The following DGKB variants were observed in gnomAD, a reference collection of about 807,000 sequenced individuals.
DGKB encodes 90 kDa diacylglycerol kinase.
In DGKB, 67 loss-of-function variants were observed where a neutral mutation model predicts 114.3. The observed-to-expected ratio is 0.59, with a 90% CI of 0.48 to 0.72. The LOEUF (loss-of-function observed/expected upper bound fraction) is 0.72. DGKB is among the 30% of genes least tolerant of loss of function. DGKB has a pLI of 0.00. For missense variants in DGKB, 907 were observed against 975.2 expected, an observed-to-expected ratio of 0.93 and a Z score of 0.93; for synonymous variants, 398 against 323.1, an observed-to-expected ratio of 1.23 and a Z score of -2.49.
At chr7:14,326,850 T>G (rs1808827720) in intron 23 of DGKB, among the ~76,000 whole-genome samples, 1 of 152,152 alleles carries the variant, frequency 6.6e-6, no homozygotes. Context: ...CATTTTGATA[T>G]CTACATGTCC....
At chr7:14,234,410 C>T (rs962299012) in intron 23 of DGKB, among the ~76,000 whole-genome samples, 1 of 152,136 alleles carries the variant, frequency 6.6e-6, no homozygotes, top group East Asian at 1.9e-4. Flanking sequence ...TGTATCTTAG[C>T]AGTAAAATAT....
At position 14,512,554 on chromosome 7, in the gene DGKB, C is replaced by G. The variant is rs1314797072; in HGVS notation, c.1771-34329G>C. On this transcript the variant is annotated intron_variant, in intron 20 of 25. Coordinates refer to ENST00000402815, the MANE Select transcript of DGKB (RefSeq NM_001350709.2). ...TCCTGACAACTCAGTCTTTTATTTT[C>G]TTTTTTAATTTTTCTTAAATCATTC... 2.0e-5 allele frequency among the ~76,000 whole-genome samples: 3 copies of G among 152,092 alleles called. No individual in the cohort carries two copies. The East Asian group carries it at 5.8e-4, about 29-fold the overall frequency.
At chr7:14,928,660 TTA>T (rs1784860020) in intron 1 of DGKB, among the ~76,000 whole-genome samples, 1 of 150,854 alleles carries the variant, frequency 6.6e-6, no homozygotes, top group African/African-American at 2.5e-5. Context: ...CATTTTTTAT[TTA>T]TTTTATTTTA....
chr7:14,699,902 C>CAA (rs776720127), intron 7 of DGKB, among the ~76,000 whole-genome samples: 1 of 130,608 alleles, frequency 7.7e-6, no homozygotes, highest in African/African-American at 2.8e-5. Flanking sequence ...TGGGCAGAGA[C>CAA]AAAAAAAAAA....
chr7:14,170,173 G>T (rs10272832), intron 25 of DGKB, among the ~76,000 whole-genome samples: 1 of 145,310 alleles, frequency 6.9e-6, no homozygotes. Context: ...AAGAAAGAAA[G>T]AAAGAAAGAA....
chr7:14,803,930 C>T (rs1441537076), intron 2 of DGKB, among the ~76,000 whole-genome samples: 2 of 151,960 alleles, frequency 1.3e-5, no homozygotes, highest in Non-Finnish European at 2.9e-5. Context: ...TGAACATCTC[C>T]CTTAGTTTCT....
intron 1 of DGKB, among the ~76,000 whole-genome samples, chr7:14,870,040 T>G (rs181939936): frequency 7.2e-5 from 11 of 152,288 alleles, no homozygotes; most frequent in Admixed American, 6.5e-4. Flanking sequence ...AGACCCAGAG[T>G]TGCATCTTGG....
At chr7:14,732,754 CT>C (rs543872526) in intron 5 of DGKB, among the ~76,000 whole-genome samples, 7 of 150,962 alleles carry the variant, frequency 4.6e-5, no homozygotes, top group Admixed American at 2.0e-4. Flanking sequence ...TCTGTTTTTC[CT>C]TTTTTTTTCC....
At chr7:14,869,391 G>A (rs1342069569) in intron 1 of DGKB, among the ~76,000 whole-genome samples, 1 of 151,886 alleles carries the variant, frequency 6.6e-6, no homozygotes, top group African/African-American at 2.4e-5. Flanking sequence ...AAGCTTAAAG[G>A]TTTTCTTTTA....
intron 1 of DGKB, among the ~76,000 whole-genome samples, chr7:14,861,599 T>C (rs939200976): frequency 1.1e-4 from 17 of 151,988 alleles, no homozygotes; most frequent in Admixed American, 3.3e-4. Context: ...CCTGTTTGCC[T>C]GTCTCTTAAA....
chr7:14,328,041 C>T (rs1809059877), intron 23 of DGKB, among the ~76,000 whole-genome samples: 2 of 152,074 alleles, frequency 1.3e-5, no homozygotes, highest in African/African-American at 4.8e-5. Context: ...CGTTTTATCA[C>T]AAATTCCATG....
intron 21 of DGKB, among the ~76,000 whole-genome samples, chr7:14,389,542 G>A (rs1820984837): frequency 6.6e-6 from 1 of 152,192 alleles, no homozygotes; most frequent in Admixed American, 6.5e-5. Flanking sequence ...TTCTCAATAA[G>A]TATTTCCACT....
rs551618345 is a variant in DGKB, at chr7:14,689,199, ATTTTTTTT to A, written c.712-3845_712-3838del. Among the ~76,000 whole-genome samples the A allele has an allele frequency of 3.9e-4, 30 of 76,574 alleles. 2 individuals are homozygous for A. In the East Asian group the frequency reaches 0.014, roughly 36 times the overall value. 50.2% of individuals were successfully genotyped at this position (76,574 alleles called of 152,430 possible). ...TGACAATGTGACAGAAACTCCTCTT[ATTTTTTTT>A]TTTTTTTTTTTTTTTTTGAGAGGAG... is the stretch of plus-strand genomic sequence containing the variant. On this transcript the variant is annotated intron_variant, in intron 9 of 25. Transcript: ENST00000402815.
At chr7:14,840,751 C>T (rs1453935997) in intron 2 of DGKB, among the ~76,000 whole-genome samples, 1 of 146,974 alleles carries the variant, frequency 6.8e-6, no homozygotes, top group Non-Finnish European at 1.5e-5. Flanking sequence ...CACACCTCTC[C>T]CTTTTCCCTC....
At chr7:14,191,190 A>G (rs1269532510) in intron 23 of DGKB, 2 of 163,852 alleles carry the variant, frequency 1.2e-5, no homozygotes, top group African/African-American at 4.8e-5. Context: ...AGGAATGAAC[A>G]GACGTATGAG....
chr7:14,409,780 A>T lies in DGKB; in HGVS notation c.1836-64389T>A, dbSNP rs187457077. On this transcript the variant is annotated intron_variant, in intron 21 of 25. Transcript: ENST00000402815. ...ATATGTACCGTAGATTGAAGTCTGC[A>T]GTTGTGTTTGTCCCCATTTCAGACA... 1.3e-4 allele frequency among the ~76,000 whole-genome samples: 19 copies of T among 151,798 alleles called. 4 individuals carry two copies. Among genetic ancestry groups the T allele is most frequent in the Non-Finnish European group, 2.5e-4 (17 of 67,942 alleles).
At position 14,176,853 on chromosome 7, in the gene DGKB, G is replaced by T. The variant is rs1781814096; in HGVS notation, c.2290C>A (p.Gln764Lys). Residue 764 changes from glutamine (Q) to lysine (K), a missense_variant, in exon 25 of 26, where the codon CAG becomes AAG. Transcript: ENST00000402815. ...PMQIDGEPWM[Q>K]TPCTIKITHK... The stretch of plus-strand genomic sequence containing the variant: ...TCTGTACTCACTGTGCATGGGGTCT[G>T]CATCCATGGCTCCCCATCAATTTGC... 6.2e-7 allele frequency: 1 copy of T among 1,613,646 alleles called. No homozygotes were observed. Among genetic ancestry groups the T allele is most frequent in the South Asian group, 1.1e-5 (1 of 91,084 alleles).
At chr7:14,966,263 TAA>T (rs1166999676) in intron 1 of DGKB, among the ~76,000 whole-genome samples, 1 of 152,056 alleles carries the variant, frequency 6.6e-6, no homozygotes, top group Non-Finnish European at 1.5e-5. Flanking sequence ...AACCCAGTCT[TAA>T]GAGGCTTTTT....
At chr7:14,820,315 TA>T (rs1310982265) in intron 2 of DGKB, among the ~76,000 whole-genome samples, 3 of 152,224 alleles carry the variant, frequency 2.0e-5, no homozygotes, top group Non-Finnish European at 4.4e-5. Flanking sequence ...AATCTCGTGT[TA>T]AATAAACTTG....
Sources: gnomAD v4.1 joint callset for allele counts (sites outside exome capture counted in the v4.1 genomes callset) on GRCh38, gnomAD v4.1.1 for gene constraint, MANE v1.5 for transcripts, NCBI Gene and HGNC (gene_info 2026-07-23, HGNC 2026-07-21) for gene names.